The following MAST4 variants were observed in gnomAD, a reference collection of about 807,000 sequenced individuals.
MAST4 encodes microtubule-associated serine/threonine-protein kinase 4.
A neutral mutation model predicts 162.7 loss-of-function variants in MAST4; 89 were observed. The observed-to-expected ratio is 0.55, with a 90% CI of 0.46 to 0.65. MAST4 has a LOEUF of 0.65. Ranked by LOEUF, MAST4 falls within the 30% of genes least tolerant of loss-of-function variation. The pLI, the probability that MAST4 is intolerant of heterozygous loss-of-function variation, is 0.00. For synonymous variants in MAST4, 1,479 were observed against 1,361.1 expected (o/e 1.09, Z -1.91); for missense variants, 3,153 against 3,374.0 (o/e 0.93, Z 1.62).
At chr5:67,133,976 A>G (rs1250682635) in intron 17 of MAST4, among the ~76,000 whole-genome samples, 1 of 152,194 alleles carries the variant, frequency 6.6e-6, no homozygotes, top group Non-Finnish European at 1.5e-5. Context: ...TGTGAAACTC[A>G]TGATGCATTG....
intron 4 of MAST4, among the ~76,000 whole-genome samples, chr5:66,921,059 A>G (rs761335507): frequency 1.1e-4 from 16 of 152,144 alleles, no homozygotes; most frequent in Non-Finnish European, 1.5e-5. Context: ...GTACAAAGTG[A>G]TAAGTTGGGA....
chr5:67,000,756 A>G (rs949841138), intron 4 of MAST4, among the ~76,000 whole-genome samples: 34 of 141,420 alleles, frequency 2.4e-4, no homozygotes, highest in East Asian at 1.5e-3. Context: ...CTAAAAAAAA[A>G]GGGGGGGGGT....
At chr5:66,945,394 G>T (rs996891050) in intron 4 of MAST4, among the ~76,000 whole-genome samples, 1 of 152,114 alleles carries the variant, frequency 6.6e-6, no homozygotes, top group African/African-American at 2.4e-5. Context: ...CGGAAATCAT[G>T]CTGTAAATGA....
chr5:66,825,316 G>A (rs940989139), intron 3 of MAST4, among the ~76,000 whole-genome samples: 42 of 97,916 alleles, frequency 4.3e-4, no homozygotes, highest in African/African-American at 1.5e-3. Flanking sequence ...ACACACACAG[G>A]CCTAGTCCTA....
At chr5:66,628,559 T>C (rs1327670447) in intron 1 of MAST4, among the ~76,000 whole-genome samples, 2 of 152,030 alleles carry the variant, frequency 1.3e-5, no homozygotes, top group African/African-American at 4.8e-5. Flanking sequence ...GATCAGGAAA[T>C]TGGAGCAAAG....
In MAST4 at chr5:67,149,552, C is replaced by T. The variant is rs1402863972; in HGVS notation, c.3258C>T (p.Ser1086=). Residue 1086 remains serine, a synonymous_variant, in exon 24 of 29, where the codon TCC becomes TCT. Coordinates refer to ENST00000403625, the MANE Select transcript of MAST4 (RefSeq NM_001164664.2). ...AAATCTCGGGGAAAGTCACAAAGTCCCTCTCTGCCAGTGCTCTTTCCCTCA... is the reference window on the plus strand; with the variant it reads ...AAATCTCGGGGAAAGTCACAAAGTCTCTCTCTGCCAGTGCTCTTTCCCTCA... The part of the protein sequence containing the change: ...KKKISGKVTK[S]LSASALSLMI... 6.2e-7 allele frequency: 1 copy of T among 1,613,764 alleles called. No homozygotes were observed. The highest frequency in any genetic ancestry group is 1.1e-5 in the South Asian group (1 of 90,954).
intron 4 of MAST4, among the ~76,000 whole-genome samples, chr5:66,922,883 C>T (rs60061851): frequency 0.14 from 20,791 of 152,082 alleles, 1,774 homozygotes; most frequent in African/African-American, 0.23. Context: ...CAATTTAGGG[C>T]GGCACATGTT....
At chr5:66,906,340 G>A (rs1046188512) in intron 4 of MAST4, among the ~76,000 whole-genome samples, 12 of 152,198 alleles carry the variant, frequency 7.9e-5, no homozygotes, top group Admixed American at 7.2e-4. Context: ...CGTTCAGTCA[G>A]ATGGGGGACT....
At chr5:66,789,251 T>A (rs931835059) in intron 3 of MAST4, among the ~76,000 whole-genome samples, 1 of 152,178 alleles carries the variant, frequency 6.6e-6, no homozygotes, top group African/African-American at 2.4e-5. Context: ...TGAGAGTGCA[T>A]CATCTATATA....
chr5:66,988,308 T>G (rs1464552366), intron 4 of MAST4, among the ~76,000 whole-genome samples: 1 of 152,052 alleles, frequency 6.6e-6, no homozygotes, highest in Non-Finnish European at 1.5e-5. Context: ...AAGGAAAAGG[T>G]AGAATTAAGG....
intron 3 of MAST4, among the ~76,000 whole-genome samples, chr5:66,885,133 A>G (rs900812922): frequency 6.6e-6 from 1 of 152,162 alleles, no homozygotes; most frequent in Non-Finnish European, 1.5e-5. Flanking sequence ...TCTATGTGGA[A>G]TAGGGGGTTT....
chr5:66,683,340 A>G (rs1748445875), intron 1 of MAST4, among the ~76,000 whole-genome samples: 1 of 152,188 alleles, frequency 6.6e-6, no homozygotes, highest in Admixed American at 6.5e-5. Flanking sequence ...ATTCTGGTTC[A>G]TTGGACTGTT....
At chr5:66,631,957 G>A (rs531502524) in intron 1 of MAST4, among the ~76,000 whole-genome samples, 20 of 152,272 alleles carry the variant, frequency 1.3e-4, no homozygotes, top group Middle Eastern at 3.4e-3. Context: ...AGACCCCCAC[G>A]CTCCTACAAG....
rs773900671 is a variant in MAST4 at position 67,168,424 on chromosome 5, T to C, written c.*1373T>C. On this transcript the variant is annotated 3_prime_UTR_variant, in exon 29 of 29. Coordinates refer to ENST00000403625, the MANE Select transcript of MAST4 (RefSeq NM_001164664.2). Reference sequence around the variant, plus strand: ...TTGAATGTGACCATCCTTTTTACTTTTGCTAAGCCTTATTTAAATTTTGTA... The same window carrying C: ...TTGAATGTGACCATCCTTTTTACTTCTGCTAAGCCTTATTTAAATTTTGTA... The C allele has an allele frequency of 1.1e-4, 16 of 152,226 alleles. No individual in the cohort carries two copies. The highest frequency in any genetic ancestry group is 3.9e-4 in the African/African-American group (16 of 41,456). 9.4% of individuals were successfully genotyped at this position (152,226 alleles called of 1,614,324 possible). A position where few individuals can be genotyped will look rare whatever the true frequency, so the allele number is the denominator to read the frequency against.
intron 3 of MAST4, among the ~76,000 whole-genome samples, chr5:66,871,589 G>A (rs1029831999): frequency 6.6e-6 from 1 of 152,198 alleles, no homozygotes; most frequent in Non-Finnish European, 1.5e-5. Context: ...CTGTGTAACA[G>A]ACTTTAATTG....
intron 3 of MAST4, among the ~76,000 whole-genome samples, chr5:66,842,755 T>C (rs1758519181): frequency 6.6e-6 from 1 of 152,166 alleles, no homozygotes; most frequent in Admixed American, 6.6e-5. Context: ...AGAGCTTACC[T>C]TGCAAGCTAT....
At chr5:66,845,339 A>G (rs559138016) in intron 3 of MAST4, among the ~76,000 whole-genome samples, 15 of 151,658 alleles carry the variant, frequency 9.9e-5, no homozygotes, top group East Asian at 7.9e-4. Flanking sequence ...TCATTGTTCA[A>G]TTCCCACCTA....
chr5:67,083,246 T>C (rs1161123467), intron 5 of MAST4, among the ~76,000 whole-genome samples: 1 of 152,136 alleles, frequency 6.6e-6, no homozygotes, highest in African/African-American at 2.4e-5. Flanking sequence ...AATTGAAAAA[T>C]GATTAACTTA....
intron 1 of MAST4, among the ~76,000 whole-genome samples, chr5:66,643,546 G>T (rs1182863690): frequency 6.6e-6 from 1 of 152,142 alleles, no homozygotes; most frequent in East Asian, 1.9e-4. Context: ...ATTTATTGTT[G>T]TGCAGAGGAC....
Sources: gnomAD v4.1 joint callset for allele counts (sites outside exome capture counted in the v4.1 genomes callset) on GRCh38, gnomAD v4.1.1 for gene constraint, MANE v1.5 for transcripts, NCBI Gene and HGNC (gene_info 2026-07-23, HGNC 2026-07-21) for gene names.